CLIC4: variants seen among roughly 807,000 people sequenced by gnomAD.
CLIC4 encodes the protein CLIC family member 4, also known as chloride intracellular channel protein 4.
CLIC4 carries 13 observed loss-of-function variants against 24.6 expected under a neutral mutation model. The ratio of observed to expected loss-of-function variants is 0.53; its 90% CI spans 0.34 to 0.84. The LOEUF (loss-of-function observed/expected upper bound fraction) is 0.84, where lower values mean the gene tolerates loss of function less well. Among genes scored for constraint, CLIC4 ranks in the 40% least tolerant of loss-of-function variants. The pLI is 0.01. For missense variants in CLIC4, 227 were observed against 301.7 expected, an observed-to-expected ratio of 0.75 and a Z score of 1.83; for synonymous variants, 104 against 111.3, an observed-to-expected ratio of 0.93 and a Z score of 0.41.
intron 2 of CLIC4, among the ~76,000 whole-genome samples, chr1:24,812,731 T>C (rs1250924788): frequency 1.3e-5 from 2 of 152,138 alleles, no homozygotes; most frequent in African/African-American, 4.8e-5. Flanking sequence ...ATTTCTTTCT[T>C]TTTTTTGAGA....
intron 1 of CLIC4, among the ~76,000 whole-genome samples, chr1:24,746,522 A>G (rs1361128432): frequency 2.0e-5 from 3 of 152,180 alleles, no homozygotes; most frequent in Non-Finnish European, 4.4e-5. Context: ...AGTCGAAGTT[A>G]TAAACATCTG....
At chr1:24,777,854 T>C (rs1048606678) in intron 1 of CLIC4, 1 of 152,252 alleles carries the variant, frequency 6.6e-6, no homozygotes, top group East Asian at 1.9e-4. Flanking sequence ...TTAATCACAC[T>C]TGTTTCTTTT....
In CLIC4 at chr1:24,779,740, C is replaced by T. The variant is rs181033694; in HGVS notation, c.73-18002C>T. ...TAGGAATTACTTGATTTCTTTCTCC[C>T]GCTTTCCACATCCAAACCATCCACG... On this transcript the variant is annotated intron_variant, in intron 1 of 5. Coordinates refer to ENST00000374379, the MANE Select transcript of CLIC4 (RefSeq NM_013943.3). Among the ~76,000 whole-genome samples, 73 of 152,270 alleles carry T rather than the reference C, an allele frequency of 4.8e-4. No individual in the cohort carries two copies. In the East Asian group the frequency reaches 8.3e-3, roughly 17 times the overall value.
intron 1 of CLIC4, among the ~76,000 whole-genome samples, chr1:24,746,571 T>G (rs1188706744): frequency 6.6e-6 from 1 of 151,842 alleles, no homozygotes; most frequent in Non-Finnish European, 1.5e-5. Context: ...AAAAACACTT[T>G]GAGCTTCTTC....
At chr1:24,755,050 C>T (rs1310785694) in intron 1 of CLIC4, among the ~76,000 whole-genome samples, 7 of 139,922 alleles carry the variant, frequency 5.0e-5, no homozygotes, top group South Asian at 4.6e-4. Context: ...CCAGCCTGGA[C>T]GACAGAGTAA....
intron 3 of CLIC4, 129 bp from the exon 4 acceptor site, chr1:24,826,881 C>A: frequency 1.7e-6 from 1 of 574,622 alleles, no homozygotes; most frequent in Non-Finnish European, 3.0e-6. Flanking sequence ...CCATAGAAAA[C>A]AAATGATGGT....
intron 1 of CLIC4, among the ~76,000 whole-genome samples, chr1:24,772,269 C>T (rs1639079225): frequency 6.6e-6 from 1 of 151,604 alleles, no homozygotes; most frequent in African/African-American, 2.4e-5. Context: ...TTTTTTAAAG[C>T]CAGTCAAATT....
chr1:24,821,879 C>A (rs996974729), intron 3 of CLIC4, among the ~76,000 whole-genome samples: 3 of 152,162 alleles, frequency 2.0e-5, no homozygotes, highest in African/African-American at 7.2e-5. Flanking sequence ...AGCCACCGTG[C>A]CTGGCCAGGG....
chr1:24,826,586 C>T (rs1419763165), intron 3 of CLIC4, among the ~76,000 whole-genome samples: 1 of 152,162 alleles, frequency 6.6e-6, no homozygotes, highest in African/African-American at 2.4e-5. Flanking sequence ...AATTCATATT[C>T]AAATAGGTAC....
At chr1:24,811,856 T>C (rs1639618648) in intron 2 of CLIC4, among the ~76,000 whole-genome samples, 1 of 152,214 alleles carries the variant, frequency 6.6e-6, no homozygotes. Flanking sequence ...AAACACACCA[T>C]ATCTGGTCAT....
intron 4 of CLIC4, among the ~76,000 whole-genome samples, chr1:24,837,842 G>T (rs968310651): frequency 6.6e-6 from 1 of 152,108 alleles, no homozygotes. Context: ...GGTGAAACCC[G>T]GTCTTCTCCG....
intron 4 of CLIC4, among the ~76,000 whole-genome samples, chr1:24,838,888 TGAATCATGACAATCA>T (rs915140333): frequency 3.2e-4 from 48 of 152,306 alleles, no homozygotes; most frequent in East Asian, 1.7e-3. Context: ...TCCTTTCTTC[TGAATCATGACAATCA>T]GAATCATGAC....
intron 2 of CLIC4, among the ~76,000 whole-genome samples, chr1:24,807,386 C>T (rs1271044475): frequency 6.6e-6 from 1 of 151,980 alleles, no homozygotes; most frequent in Non-Finnish European, 1.5e-5. Flanking sequence ...AGGCAAGTTA[C>T]TTCTATAGAA....
chr1:24,817,702 C>T (rs765430866), intron 3 of CLIC4, among the ~76,000 whole-genome samples: 1 of 152,204 alleles, frequency 6.6e-6, no homozygotes, highest in Non-Finnish European at 1.5e-5. Context: ...TAGCTTTCAG[C>T]CTATCTCAGC....
At chr1:24,774,268 G>A (rs540549386) in intron 1 of CLIC4, among the ~76,000 whole-genome samples, 8 of 151,640 alleles carry the variant, frequency 5.3e-5, no homozygotes, top group South Asian at 2.1e-4. Context: ...GAGCCACCAC[G>A]CCCAGCTAAG....
intron 2 of CLIC4, among the ~76,000 whole-genome samples, chr1:24,808,207 A>G (rs1639573295): frequency 6.6e-6 from 1 of 152,130 alleles, no homozygotes. Flanking sequence ...TGGCCTGCCA[A>G]GGTGCTGAGA....
At chr1:24,792,655 T>C (rs1183465573) in intron 1 of CLIC4, among the ~76,000 whole-genome samples, 1 of 152,186 alleles carries the variant, frequency 6.6e-6, no homozygotes, top group Admixed American at 6.5e-5. Context: ...GGGACTTTTT[T>C]CAGGTCCGTC....
chr1:24,777,725 C>G (rs563143659), intron 1 of CLIC4: 1 of 152,014 alleles, frequency 6.6e-6, no homozygotes, highest in Admixed American at 6.5e-5. Context: ...TTGAGATGTA[C>G]TATAATTATG....
rs10627275 is a variant in CLIC4 at position 24,823,774 on chromosome 1, CA to C, written c.309-3218del. On this transcript the variant is annotated intron_variant, in intron 3 of 5. Transcript: ENST00000374379. ...GGACAATAAGAGCAAAACTCTGTCT[CA>C]AAAAAAAAAAAAAAAAAGACATACA... Among the ~76,000 whole-genome samples, 1,007 of 108,712 alleles carry C rather than the reference CA, an allele frequency of 9.3e-3. 4 individuals carry two copies. The highest frequency in any genetic ancestry group is 0.011 in the Admixed American group (112 of 10,018). The allele number at this position is 108,712 out of a possible 152,430, so 71.3% of individuals were successfully genotyped here. A position where few individuals can be genotyped will look rare whatever the true frequency, so the allele number is the denominator to read the frequency against.
Sources: gnomAD v4.1 joint callset for allele counts (sites outside exome capture counted in the v4.1 genomes callset) on GRCh38, gnomAD v4.1.1 for gene constraint, MANE v1.5 for transcripts, NCBI Gene and HGNC (gene_info 2026-07-23, HGNC 2026-07-21) for gene names.